The following PLEKHM1 variants were observed in gnomAD, a reference collection of about 807,000 sequenced individuals.
PLEKHM1 encodes the protein pleckstrin homology domain-containing family M member 1.
In PLEKHM1, 28 loss-of-function variants were observed where a neutral mutation model predicts 94.3. The observed-to-expected ratio is 0.30, with a 90% confidence interval of 0.22 to 0.41. The LOEUF (loss-of-function observed/expected upper bound fraction) is 0.41, where lower values mean the gene tolerates loss of function less well. Among genes scored for constraint, PLEKHM1 ranks in the 10% least tolerant of loss-of-function variants. The probability of loss-of-function intolerance (pLI) is 1.00; values close to 1 mark genes in which losing one functional copy is unlikely to be tolerated. For missense variants in PLEKHM1, 907 were observed against 1,358.6 expected (o/e 0.67, Z 5.22); for synonymous variants, 424 against 581.2 (o/e 0.73, Z 3.89).
chr17:45,489,261 T>C (rs1458839782), intron 1 of PLEKHM1, among the ~76,000 whole-genome samples: 2 of 152,216 alleles, frequency 1.3e-5, no homozygotes, highest in Non-Finnish European at 2.9e-5. Context: ...ACAGGTAACG[T>C]TGCCTCTGGC....
intron 1 of PLEKHM1, among the ~76,000 whole-genome samples, chr17:45,485,945 C>A (rs924059713): frequency 6.7e-6 from 1 of 149,928 alleles, no homozygotes; most frequent in African/African-American, 2.5e-5. Context: ...GGCATGGCGC[C>A]GTGGCTCACG....
At position 45,475,542 on chromosome 17, in the gene PLEKHM1, C is replaced by G. The variant is rs1327368538; in HGVS notation, c.481G>C (p.Gly161Arg). 1 of 1,611,900 alleles carries G rather than the reference C, an allele frequency of 6.2e-7. No individual in the cohort carries two copies. Among genetic ancestry groups the G allele is most frequent in the South Asian group, 1.1e-5 (1 of 91,052 alleles). The change falls in exon 4 of 12, where the codon GGC (glycine) becomes CGC (arginine). Residue 161 changes from glycine to arginine, a missense_variant. Transcript: ENST00000430334. ...TGCAGGAAGCTAAGGAGGAACTCGC[C>G]CTCCTCAGCATCCCGGAGCAGGGCG... ...PTALLRDAEE[G>R]EFLLSFLQGL... is the part of the protein sequence containing the mutation.
chr17:45,446,458 G>A (rs1341448597), intron 8 of PLEKHM1, among the ~76,000 whole-genome samples: 2 of 152,106 alleles, frequency 1.3e-5, no homozygotes, highest in Non-Finnish European at 2.9e-5. Context: ...TTGAGCTGAG[G>A]TGTCATCTCT....
chr17:45,453,001 T>G lies in PLEKHM1; in HGVS notation c.2497+354A>C, dbSNP rs1324908433. ...ACACTTATAAAAGCAGCAGAAATATTTGGAAGGAAACCATGCCCCTGCTCT... is the reference window on the plus strand; with the variant it reads ...ACACTTATAAAAGCAGCAGAAATATGTGGAAGGAAACCATGCCCCTGCTCT... On this transcript the variant is annotated intron_variant, in intron 7 of 11. Transcript: ENST00000430334. This position sits in a 1 kb window ranked among gnomAD's most constrained non-coding sequence, Gnocchi z 4.1. The G allele has an allele frequency of 1.3e-5, 6 of 473,188 alleles. No homozygotes were observed. The highest frequency in any genetic ancestry group is 2.3e-5 in the Non-Finnish European group (6 of 258,382). The allele number at this position is 473,188 out of a possible 1,614,324, so 29.3% of individuals were successfully genotyped here.
At chr17:45,448,562 CT>C (rs1175701416) in intron 8 of PLEKHM1, among the ~76,000 whole-genome samples, 1 of 152,218 alleles carries the variant, frequency 6.6e-6, no homozygotes, top group African/African-American at 2.4e-5. Context: ...GAGGCAGACA[CT>C]AACCAAGTGA....
intron 1 of PLEKHM1, among the ~76,000 whole-genome samples, chr17:45,484,574 A>G (rs2052051419): frequency 6.6e-6 from 1 of 152,206 alleles, no homozygotes; most frequent in Non-Finnish European, 1.5e-5. Flanking sequence ...TAACTTGGAT[A>G]AAAATCAAGC....
rs1343669881 is a variant in PLEKHM1 at position 45,454,069 on chromosome 17, C to T, written c.1783G>A (p.Glu595Lys). ...AGCTTCTTGCCAGAGAAGACCAGCT[C>T]AAAGCGCCCATCACTATGGGCTGGC... ...VGPAHSDGRFELVFSGKKLAL... is the reference protein window; with the variant it reads ...VGPAHSDGRFKLVFSGKKLAL... Residue 595 changes from glutamate (E) to lysine (K), a missense_variant, in exon 7 of 12, where the codon GAG becomes AAG. Transcript: ENST00000430334. 3.1e-6 allele frequency: 5 copies of T among 1,614,090 alleles called. No individual in the cohort carries two copies. Among genetic ancestry groups the T allele is most frequent in the Middle Eastern group, 1.6e-4 (1 of 6,084 alleles).
At chr17:45,449,425 G>A (rs1395611084) in intron 8 of PLEKHM1, among the ~76,000 whole-genome samples, 1 of 146,368 alleles carries the variant, frequency 6.8e-6, no homozygotes, top group Non-Finnish European at 1.5e-5. Flanking sequence ...TACCCATCTA[G>A]CCATCTGCCC....
chr17:45,459,163 C>T (rs536592556), intron 5 of PLEKHM1, among the ~76,000 whole-genome samples: 2 of 152,154 alleles, frequency 1.3e-5, no homozygotes, highest in South Asian at 2.1e-4. Flanking sequence ...AATAAAGTGT[C>T]CAATTCAAAC....
intron 5 of PLEKHM1, among the ~76,000 whole-genome samples, chr17:45,466,251 C>A (rs972682537): frequency 6.6e-6 from 1 of 152,004 alleles, no homozygotes; most frequent in Non-Finnish European, 1.5e-5. Context: ...AAAATTAATC[C>A]CAGAAAGATC....
intron 1 of PLEKHM1, among the ~76,000 whole-genome samples, chr17:45,489,166 T>C (rs2052224111): frequency 6.6e-6 from 1 of 152,048 alleles, no homozygotes. Context: ...GATCCAGCAC[T>C]TAAAAGAAAA....
At chr17:45,458,770 C>T (rs2145241427) in intron 5 of PLEKHM1, among the ~76,000 whole-genome samples, 1 of 151,730 alleles carries the variant, frequency 6.6e-6, no homozygotes, top group South Asian at 2.1e-4. Flanking sequence ...TGTGCCCAGC[C>T]TGAAGTTTTT....
At position 45,468,541 on chromosome 17, in the gene PLEKHM1, G is replaced by C. The variant is rs754383753; in HGVS notation, c.976C>G (p.Leu326Val). ...GTGGGGATCTCTGTTTCTTGGCTCAGTCCGTTGGTTGGCACAGAGTTTACC... is the reference window on the plus strand; with the variant it reads ...GTGGGGATCTCTGTTTCTTGGCTCACTCCGTTGGTTGGCACAGAGTTTACC... ...AQVNSVPTNG[L>V]SQETEIPTPQ... is the part of the protein sequence containing the mutation. The change falls in exon 5 of 12, where the codon CTG (leucine) becomes GTG (valine). Residue 326 changes from leucine to valine, a missense_variant. Coordinates refer to ENST00000430334, the MANE Select transcript of PLEKHM1 (RefSeq NM_014798.3). The C allele has an allele frequency of 6.2e-7, 1 of 1,614,206 alleles. No individual in the cohort carries two copies.
At chr17:45,490,525 A>C (rs1413528916) in intron 1 of PLEKHM1, 127 bp downstream of exon 1, 15 of 370,366 alleles carry the variant, frequency 4.1e-5, no homozygotes, top group Non-Finnish European at 6.6e-5. Context: ...GAGGGCCCTG[A>C]AGCCGGGCAG....
intron 8 of PLEKHM1, among the ~76,000 whole-genome samples, chr17:45,449,070 A>G (rs893797227): frequency 6.6e-6 from 1 of 152,190 alleles, no homozygotes; most frequent in Admixed American, 6.5e-5. Flanking sequence ...ATGTTAAACA[A>G]TAACTGTGTA....
chr17:45,434,970 A>G (rs1597897932), downstream of PLEKHM1, among the ~76,000 whole-genome samples: 2 of 148,840 alleles, frequency 1.3e-5, no homozygotes, highest in African/African-American at 2.5e-5. Context: ...CTGTATCCAA[A>G]AAAAAAAAAA....
In PLEKHM1 at chr17:45,456,651, T is replaced by A. The variant is rs578035889; in HGVS notation, c.1579+1518A>T. Among the ~76,000 whole-genome samples, 1,094 of 152,354 alleles carry A rather than the reference T, an allele frequency of 7.2e-3. 7 individuals are homozygous for A. Among genetic ancestry groups the A allele is most frequent in the Non-Finnish European group, 0.011 (718 of 68,034 alleles). On this transcript the variant is annotated intron_variant, in intron 6 of 11. Transcript: ENST00000430334. ...AGAAGCCAGCCCGGAGACCGGGCTCTACCCACACAACCCATGCCAGGGCTA... is the reference window on the plus strand; with the variant it reads ...AGAAGCCAGCCCGGAGACCGGGCTCAACCCACACAACCCATGCCAGGGCTA...
intron 2 of PLEKHM1, among the ~76,000 whole-genome samples, chr17:45,480,823 T>C (rs1342290915): frequency 2.0e-5 from 3 of 152,242 alleles, no homozygotes; most frequent in African/African-American, 7.2e-5. Context: ...CATTCATCAG[T>C]TAATAGACAT....
intron 4 of PLEKHM1, 108 bp from the exon 5 acceptor site, chr17:45,468,701 A>C (rs1331487676): frequency 2.0e-5 from 22 of 1,099,840 alleles, no homozygotes; most frequent in Non-Finnish European, 2.7e-5. Context: ...GATTTAAAAC[A>C]ACCCACACCC....
Sources: allele counts gnomAD v4.1 joint callset (sites outside exome capture counted in the v4.1 genomes callset), GRCh38; gene constraint gnomAD v4.1.1; non-coding constraint Gnocchi (gnomAD v3.1); transcripts MANE v1.5; gene names NCBI Gene and HGNC (gene_info 2026-07-23, HGNC 2026-07-21).